PPM1A: variants seen among roughly 807,000 people sequenced by gnomAD.
PPM1A encodes the protein protein phosphatase, Mg2+/Mn2+ dependent 1A.
Under a neutral mutation model 35.0 loss-of-function variants are expected in PPM1A, and 7 were observed. The ratio of observed to expected loss-of-function variants is 0.20; its 90% confidence interval spans 0.11 to 0.38. The LOEUF is 0.38. PPM1A is among the 10% of genes least tolerant of loss of function. PPM1A has a pLI of 1.00. For synonymous variants in PPM1A, 153 were observed against 167.3 expected, an observed-to-expected ratio of 0.91 and a Z score of 0.66; for missense variants, 239 against 467.8, an observed-to-expected ratio of 0.51 and a Z score of 4.51.
intron 3 of PPM1A, chr14:60,286,746 T>G (rs1024751324): frequency 1.0e-6 from 1 of 983,806 alleles, no homozygotes; most frequent in Non-Finnish European, 1.2e-6. Flanking sequence ...TCATGATTGG[T>G]TTTGTTCTTT....
In PPM1A at chr14:60,249,587, TGCCGCCGTC is replaced by T; in HGVS notation, c.-103_-95del. On this transcript the variant is annotated 5_prime_UTR_variant, in exon 1 of 6. Coordinates refer to ENST00000395076, the MANE Select transcript of PPM1A (RefSeq NM_021003.5). This position sits in a 1 kb window ranked among gnomAD's most constrained non-coding sequence, Gnocchi z 4.5. The stretch of plus-strand genomic sequence containing the variant: ...CTGCAGCGGTGACCCCTCCCCCGGC[TGCCGCCGTC>T]GCCGCCGCGGTGACCCCCTCCCCGG... 1 of 986,760 alleles carries T rather than the reference TGCCGCCGTC, an allele frequency of 1.0e-6. No homozygotes were observed. Among genetic ancestry groups the T allele is most frequent in the Non-Finnish European group, 1.2e-6 (1 of 831,378 alleles). 61.1% of individuals were successfully genotyped at this position (986,760 alleles called of 1,614,324 possible).
rs1886768420 is a variant in PPM1A at position 60,284,659 on chromosome 14, CTG to C, written c.835-963_835-962del. 3.5e-5 allele frequency among the ~76,000 whole-genome samples: 5 copies of C among 144,882 alleles called. No individual in the cohort carries two copies. The South Asian group carries it at 1.1e-3, about 31-fold the overall frequency. ...TCCGTCTCAAAAAAAAAAAAAAAGACTGTTGAGGAATTAATGAGCGTATGTAT... is the reference window on the plus strand; with the variant it reads ...TCCGTCTCAAAAAAAAAAAAAAAGACTTGAGGAATTAATGAGCGTATGTAT... On this transcript the variant is annotated intron_variant, in intron 2 of 5. Transcript: ENST00000395076.
chr14:60,262,136 G>A (rs1002324766), intron 1 of PPM1A, among the ~76,000 whole-genome samples: 1 of 152,122 alleles, frequency 6.6e-6, no homozygotes, highest in Non-Finnish European at 1.5e-5. Flanking sequence ...AATGTTTATA[G>A]TAGTAGAAAC....
At chr14:60,252,362 C>G (rs1462726159) in intron 1 of PPM1A, among the ~76,000 whole-genome samples, 1 of 152,284 alleles carries the variant, frequency 6.6e-6, no homozygotes, top group African/African-American at 2.4e-5. Context: ...CTAACTCTTG[C>G]CTGGGCACCT....
rs994886849 is a variant in PPM1A at position 60,249,666 on chromosome 14, C to T, written c.-32C>T. The T allele has an allele frequency of 3.9e-5, 38 of 984,216 alleles. No homozygotes were observed. Among genetic ancestry groups the T allele is most frequent in the Non-Finnish European group, 4.1e-5 (34 of 829,562 alleles). 61.0% of individuals were successfully genotyped at this position (984,216 alleles called of 1,614,324 possible). On this transcript the variant is annotated 5_prime_UTR_variant, in exon 1 of 6. Transcript: ENST00000395076. This position sits in a 1 kb window ranked among gnomAD's most constrained non-coding sequence, Gnocchi z 4.5. The stretch of plus-strand genomic sequence containing the variant: ...GGCCGACCAGGGACCTGCCCGCCTG[C>T]GGCTGCTCCGGGTAAGTGCGGCGCT...
At position 60,292,590 on chromosome 14, in the gene PPM1A, C is replaced by A; in HGVS notation, c.*108C>A. On this transcript the variant is annotated 3_prime_UTR_variant, in exon 6 of 6. Coordinates refer to ENST00000395076, the MANE Select transcript of PPM1A (RefSeq NM_021003.5). This position sits in a 1 kb window ranked among gnomAD's most constrained non-coding sequence, Gnocchi z 4.2. ...CTCAACTTTAAGGAAGGGGATATGA[C>A]ATGGGTGAGAATGATTACATCAGAG... The A allele has an allele frequency of 2.2e-6, 2 of 922,570 alleles. No homozygotes were observed. Among genetic ancestry groups the A allele is most frequent in the Non-Finnish European group, 3.4e-6 (2 of 591,384 alleles). The allele number at this position is 922,570 out of a possible 1,614,324, so 57.1% of individuals were successfully genotyped here.
intron 1 of PPM1A, among the ~76,000 whole-genome samples, chr14:60,261,658 G>C (rs1196827598): frequency 6.6e-6 from 1 of 152,134 alleles, no homozygotes; most frequent in Non-Finnish European, 1.5e-5. Flanking sequence ...CAAGTAGGAG[G>C]GGAAGAATCC....
At position 60,249,239 on chromosome 14, in the gene PPM1A, G is replaced by A. The variant is rs1208073889; in HGVS notation, c.-459G>A. 5 of 987,886 alleles carry A rather than the reference G, an allele frequency of 5.1e-6. No individual in the cohort carries two copies. Among genetic ancestry groups the A allele is most frequent in the Non-Finnish European group, 6.0e-6 (5 of 832,048 alleles). The allele number at this position is 987,886 out of a possible 1,614,324, so 61.2% of individuals were successfully genotyped here. ...CCGCGCTAGAGGCGGCGGCGGCGGCGGTGGCGGCGCTAGGGACGGGAGCGC... is the reference window on the plus strand; with the variant it reads ...CCGCGCTAGAGGCGGCGGCGGCGGCAGTGGCGGCGCTAGGGACGGGAGCGC... On this transcript the variant is annotated 5_prime_UTR_variant, in exon 1 of 6. Coordinates refer to ENST00000395076, the MANE Select transcript of PPM1A (RefSeq NM_021003.5). The surrounding 1 kb of genome is among the most constrained non-coding windows in gnomAD (Gnocchi z 4.5).
intron 3 of PPM1A, chr14:60,286,795 C>T: frequency 1.0e-6 from 1 of 982,166 alleles, no homozygotes; most frequent in Non-Finnish European, 1.2e-6. Context: ...TTATTGCTGT[C>T]CGCCACTTGA....
At chr14:60,274,272 G>T (rs1033635503) in intron 1 of PPM1A, among the ~76,000 whole-genome samples, 2 of 152,102 alleles carry the variant, frequency 1.3e-5, no homozygotes, top group African/African-American at 2.4e-5. Flanking sequence ...TTAGAGGAGG[G>T]CTAAAAATGT....
chr14:60,246,869 CT>C (rs1386754048), upstream of PPM1A, among the ~76,000 whole-genome samples: 1 of 152,178 alleles, frequency 6.6e-6, no homozygotes, highest in African/African-American at 2.4e-5. Context: ...TTAAAAATTT[CT>C]TTCTGTTCAT....
intron 1 of PPM1A, among the ~76,000 whole-genome samples, chr14:60,261,629 G>C (rs1464875761): frequency 1.3e-5 from 2 of 152,100 alleles, no homozygotes; most frequent in Non-Finnish European, 2.9e-5. Flanking sequence ...GGATTAAATG[G>C]CACCATCCCC....
At chr14:60,252,184 G>A (rs1343565071) in intron 1 of PPM1A, among the ~76,000 whole-genome samples, 1 of 152,128 alleles carries the variant, frequency 6.6e-6, no homozygotes, top group African/African-American at 2.4e-5. Context: ...TTAACTGTGC[G>A]TGCATATTTG....
At position 60,288,589 on chromosome 14, in the gene PPM1A, CTGTT is replaced by C. The variant is rs1451657382; in HGVS notation, c.953-1215_953-1212del. On this transcript the variant is annotated intron_variant, in intron 3 of 5. Coordinates refer to ENST00000395076, the MANE Select transcript of PPM1A (RefSeq NM_021003.5). Reference sequence around the variant, plus strand: ...CCTTGCTTTTTGTTCAGATTTAAGACTGTTTTTTTTTTTAAGGCAAAAAATAATA... The same window carrying C: ...CCTTGCTTTTTGTTCAGATTTAAGACTTTTTTTTTAAGGCAAAAAATAATA... The C allele has an allele frequency of 3.1e-6, 3 of 963,756 alleles. No individual in the cohort carries two copies. In the Admixed American group the frequency reaches 1.9e-4, roughly 60 times the overall value. The allele number at this position is 963,756 out of a possible 1,614,324, so 59.7% of individuals were successfully genotyped here.
chr14:60,254,387 G>A (rs962158936), intron 1 of PPM1A, among the ~76,000 whole-genome samples: 16 of 152,048 alleles, frequency 1.1e-4, no homozygotes, highest in Non-Finnish European at 2.1e-4. Context: ...GTTAAATTGC[G>A]GATAAAGAGT....
intron 3 of PPM1A, chr14:60,286,485 TG>T: frequency 1.0e-6 from 1 of 985,252 alleles, no homozygotes; most frequent in Non-Finnish European, 1.2e-6. Context: ...ACTTTAATAG[TG>T]TTAAAACATG....
chr14:60,285,879 T>C, intron 3 of PPM1A, 138 bp downstream of exon 3: 2 of 1,437,558 alleles, frequency 1.4e-6, no homozygotes, highest in Non-Finnish European at 1.8e-6. Context: ...AAAGGACATT[T>C]CTGTAGTAGC....
intron 1 of PPM1A, among the ~76,000 whole-genome samples, chr14:60,255,169 T>TTG (rs1555339225): frequency 7.5e-5 from 8 of 106,832 alleles, no homozygotes; most frequent in Admixed American, 6.1e-4. Context: ...GTTTTTTTTT[T>TTG]TTTTGTTTTG....
chr14:60,259,567 C>G (rs1883514080), intron 1 of PPM1A, among the ~76,000 whole-genome samples: 1 of 151,982 alleles, frequency 6.6e-6, no homozygotes, highest in South Asian at 2.1e-4. Context: ...TTTTGGATAA[C>G]TTGGATAAGA....
Sources: allele counts gnomAD v4.1 joint callset (sites outside exome capture counted in the v4.1 genomes callset), GRCh38; gene constraint gnomAD v4.1.1; non-coding constraint Gnocchi (gnomAD v3.1); transcripts MANE v1.5; gene names NCBI Gene and HGNC (gene_info 2026-07-23, HGNC 2026-07-21).